Variants in CD82 observed in about 807,000 individuals in gnomAD.
CD82 encodes the protein CD82 antigen.
Under a neutral mutation model 37.4 loss-of-function variants are expected in CD82, and 36 were observed. The ratio of observed to expected loss-of-function variants is 0.96; its 90% confidence interval spans 0.74 to 1.27. CD82 has a LOEUF of 1.27. Among genes scored for constraint, CD82 ranks in the 50% most tolerant of loss-of-function variants. The pLI, the probability that CD82 is intolerant of heterozygous loss-of-function variation, is 0.00. For missense variants in CD82, 340 were observed against 347.0 expected, an observed-to-expected ratio of 0.98 and a Z score of 0.16; for synonymous variants, 158 against 137.4, an observed-to-expected ratio of 1.15 and a Z score of -1.05.
intron 3 of CD82, among the ~76,000 whole-genome samples, chr11:44,598,400 A>ATCTTTTTTTTTTTT (rs1853258669): frequency 1.7e-5 from 1 of 58,880 alleles, no homozygotes; most frequent in African/African-American, 6.5e-5. Flanking sequence ...TTTGGCCTTA[A>ATCTTTTTTTTTTTT]TTTTTTTTTT....
At chr11:44,594,525 C>T (rs1565087568) in intron 2 of CD82, 118 bp from the exon 3 acceptor site, 2 of 684,898 alleles carry the variant, frequency 2.9e-6, no homozygotes, top group Non-Finnish European at 5.4e-6. Flanking sequence ...GTTGTCTAAC[C>T]TCTCTGGGCC....
chr11:44,609,812 G>T (rs1590348022), intron 6 of CD82, among the ~76,000 whole-genome samples: 1 of 152,280 alleles, frequency 6.6e-6, no homozygotes, highest in East Asian at 1.9e-4. Context: ...CTGTTGAGAA[G>T]GGAATGGAGG....
chr11:44,598,657 G>A (rs577190321), intron 3 of CD82, among the ~76,000 whole-genome samples: 50 of 151,864 alleles, frequency 3.3e-4, no homozygotes, highest in African/African-American at 1.1e-3. Flanking sequence ...TGATCTACCC[G>A]CCTGAGTTTT....
intron 1 of CD82, chr11:44,585,312 C>T (rs975386783): frequency 1.3e-5 from 6 of 456,320 alleles, no homozygotes; most frequent in Admixed American, 1.2e-4. Context: ...ATTTATCTGA[C>T]ATTTACTGGG....
chr11:44,618,486 C>G, intron 8 of CD82, 121 bp downstream of exon 8: 1 of 1,046,806 alleles, frequency 9.6e-7, no homozygotes, highest in Non-Finnish European at 1.4e-6. Flanking sequence ...TCATTTGTAC[C>G]TTCATCTACT....
At chr11:44,578,083 C>G (rs981656196) in intron 1 of CD82, among the ~76,000 whole-genome samples, 2 of 152,214 alleles carry the variant, frequency 1.3e-5, no homozygotes, top group African/African-American at 4.8e-5. Context: ...GATCGGCAAA[C>G]AGGAGACCAG....
intron 2 of CD82, among the ~76,000 whole-genome samples, chr11:44,592,296 G>A (rs1219430976): frequency 1.3e-5 from 2 of 152,224 alleles, no homozygotes; most frequent in Admixed American, 1.3e-4. Flanking sequence ...AATTTCACAA[G>A]GATGCCAATG....
Position 44,585,761 on chromosome 11 carries a change from C to T in CD82, c.-102-1714C>T, listed in dbSNP as rs546701212. 4.6e-5 allele frequency among the ~76,000 whole-genome samples: 7 copies of T among 152,334 alleles called. No individual in the cohort carries two copies. In the South Asian group the frequency reaches 1.4e-3, roughly 32 times the overall value. ...ACAGGGCCACAGGTAGAGAAAGGAG[C>T]TCCAGACTGGGAATCTTAAGTTCTC... On this transcript the variant is annotated intron_variant, in intron 1 of 9. Transcript: ENST00000227155.
intron 2 of CD82, among the ~76,000 whole-genome samples, chr11:44,593,406 C>T (rs1853173914): frequency 6.6e-6 from 1 of 152,242 alleles, no homozygotes; most frequent in South Asian, 2.1e-4. Flanking sequence ...TGTCCAGGCC[C>T]CAGCTGCCCG....
intron 3 of CD82, among the ~76,000 whole-genome samples, chr11:44,596,668 T>A (rs1853232091): frequency 6.6e-6 from 1 of 151,772 alleles, no homozygotes; most frequent in African/African-American, 2.4e-5. Flanking sequence ...GGATGACCCA[T>A]CAGGATGGTG....
intron 8 of CD82, 27 bp downstream of exon 8, chr11:44,618,392 C>T (rs200071961): frequency 5.1e-4 from 810 of 1,598,718 alleles, no homozygotes; most frequent in Admixed American, 8.2e-4. Context: ...GGATCGGGGG[C>T]GGGGCTCCGA....
upstream of CD82, among the ~76,000 whole-genome samples, chr11:44,564,967 A>C (rs970203467): frequency 6.6e-6 from 1 of 152,234 alleles, no homozygotes; most frequent in South Asian, 2.1e-4. Flanking sequence ...CTTGGCATAG[A>C]GCCTGGCCCC....
intron 1 of CD82, among the ~76,000 whole-genome samples, chr11:44,569,311 G>A (rs951308083): frequency 5.3e-5 from 8 of 152,130 alleles, no homozygotes; most frequent in African/African-American, 9.7e-5. Flanking sequence ...GGTGTCTCTC[G>A]GAGGCTGGCT....
intron 6 of CD82, among the ~76,000 whole-genome samples, chr11:44,613,855 AG>A (rs1387709761): frequency 2.1e-5 from 3 of 146,162 alleles, no homozygotes; most frequent in Non-Finnish European, 3.0e-5. Flanking sequence ...AAAAAAAAAA[AG>A]TGAGATGTTT....
intron 1 of CD82, among the ~76,000 whole-genome samples, chr11:44,570,723 TTAC>T (rs1852802574): frequency 8.8e-5 from 1 of 11,396 alleles, no homozygotes; most frequent in East Asian, 4.5e-4. Flanking sequence ...CTGGCCTTTA[TTAC>T]CCTCCTGAGA....
chr11:44,567,883 T>C (rs1392990340), intron 1 of CD82, among the ~76,000 whole-genome samples: 2 of 152,144 alleles, frequency 1.3e-5, no homozygotes, highest in Non-Finnish European at 2.9e-5. Context: ...AGAATGAAGA[T>C]AGTGTCTTGA....
At chr11:44,594,984 C>T (rs7102700) in intron 3 of CD82, 172,954 of 514,222 alleles carry the variant, frequency 0.34, 31,053 homozygotes, top group Non-Finnish European at 0.37. Flanking sequence ...CCTGGGCTGG[C>T]GGTGGGTATG....
intron 1 of CD82, among the ~76,000 whole-genome samples, chr11:44,573,725 A>G (rs907099147): frequency 2.0e-5 from 3 of 152,138 alleles, no homozygotes; most frequent in African/African-American, 7.2e-5. Flanking sequence ...ATCCCTAACC[A>G]TCCCTGCAAG....
In CD82 at chr11:44,618,207, G is replaced by A. The variant is rs1452286030; in HGVS notation, c.484G>A (p.Ala162Thr). Residue 162 changes from alanine (A) to threonine (T), a missense_variant, in exon 8 of 10, where the codon GCT becomes ACT. Coordinates refer to ENST00000227155, the MANE Select transcript of CD82 (RefSeq NM_002231.4). ...CAGCTTCTACAACTGGACAGACAACGCTGAGCTCATGAATCGCCCTGAGGT... is the reference window on the plus strand; with the variant it reads ...CAGCTTCTACAACTGGACAGACAACACTGAGCTCATGAATCGCCCTGAGGT... ...WVSFYNWTDN[A>T]ELMNRPEVTY... The A allele has an allele frequency of 3.7e-6, 6 of 1,613,948 alleles. No individual in the cohort carries two copies. Among genetic ancestry groups the A allele is most frequent in the Non-Finnish European group, 5.1e-6 (6 of 1,180,036 alleles).
Sources: allele counts gnomAD v4.1 joint callset (sites outside exome capture counted in the v4.1 genomes callset), GRCh38; gene constraint gnomAD v4.1.1; transcripts MANE v1.5; gene names NCBI Gene and HGNC (gene_info 2026-07-23, HGNC 2026-07-21).